The following NPTN variants were observed in gnomAD, a reference collection of about 807,000 sequenced individuals.
The protein encoded by NPTN is neuroplastin.
Under a neutral mutation model 42.7 loss-of-function variants are expected in NPTN, and 5 were observed. The ratio of observed to expected loss-of-function variants is 0.12; its 90% CI spans 0.06 to 0.25. NPTN has a LOEUF of 0.25. NPTN is among the 10% of genes least tolerant of loss of function. NPTN has a pLI of 1.00. For synonymous variants in NPTN, 180 were observed against 201.9 expected (o/e 0.89, Z 0.92); for missense variants, 307 against 525.4 (o/e 0.58, Z 4.06).
intron 1 of NPTN, among the ~76,000 whole-genome samples, chr15:73,599,839 A>G (rs757925780): frequency 4.6e-5 from 7 of 152,146 alleles, no homozygotes; most frequent in Non-Finnish European, 7.4e-5. Flanking sequence ...TTGGGGAGTT[A>G]CAGCCTCTCA....
intron 6 of NPTN, chr15:73,567,313 C>A: frequency 1.0e-6 from 1 of 985,226 alleles, no homozygotes; most frequent in South Asian, 4.7e-5. Flanking sequence ...AGAAGTATGG[C>A]AGGCCTATAA....
At chr15:73,608,494 G>A (rs1051557220) in intron 1 of NPTN, among the ~76,000 whole-genome samples, 12 of 152,140 alleles carry the variant, frequency 7.9e-5, no homozygotes, top group African/African-American at 2.2e-4. Flanking sequence ...CTAGATAAAG[G>A]TGAAAAAATT....
chr15:73,614,148 C>CA (rs1270827456), intron 1 of NPTN, among the ~76,000 whole-genome samples: 5 of 120,436 alleles, frequency 4.2e-5, no homozygotes, highest in Non-Finnish European at 7.0e-5. Flanking sequence ...CTCATCTCTA[C>CA]AAAAAATACA....
intron 1 of NPTN, among the ~76,000 whole-genome samples, chr15:73,606,926 C>A (rs575088292): frequency 6.7e-4 from 102 of 152,260 alleles, no homozygotes; most frequent in Non-Finnish European, 9.7e-4. Context: ...GAACCCCCAT[C>A]TTTGATCATC....
chr15:73,602,734 T>C (rs1204983514), intron 1 of NPTN, among the ~76,000 whole-genome samples: 1 of 152,216 alleles, frequency 6.6e-6, no homozygotes, highest in Non-Finnish European at 1.5e-5. Context: ...GGTAACCTCA[T>C]TCTCTGCAGC....
intron 1 of NPTN, among the ~76,000 whole-genome samples, chr15:73,609,897 C>T (rs1897487457): frequency 6.6e-6 from 1 of 152,028 alleles, no homozygotes; most frequent in African/African-American, 2.4e-5. Flanking sequence ...TCATCTGTGT[C>T]GTGAACACTC....
chr15:73,607,048 C>T (rs1897323957), intron 1 of NPTN, among the ~76,000 whole-genome samples: 1 of 152,088 alleles, frequency 6.6e-6, no homozygotes, highest in South Asian at 2.1e-4. Context: ...TCCTCCTTAC[C>T]CCTAATGTTT....
At chr15:73,604,713 C>T (rs1288509271) in intron 1 of NPTN, among the ~76,000 whole-genome samples, 1 of 152,184 alleles carries the variant, frequency 6.6e-6, no homozygotes, top group African/African-American at 2.4e-5. Flanking sequence ...TTCCTATCTT[C>T]TTCATAAGGT....
chr15:73,616,298 C>T (rs773215379), intron 1 of NPTN, among the ~76,000 whole-genome samples: 2 of 152,008 alleles, frequency 1.3e-5, no homozygotes, highest in African/African-American at 2.4e-5. Flanking sequence ...TTTAAAAACC[C>T]GGCTCCACAG....
intron 1 of NPTN, among the ~76,000 whole-genome samples, chr15:73,608,049 A>G (rs544709707): frequency 6.6e-6 from 1 of 152,346 alleles, no homozygotes; most frequent in African/African-American, 2.4e-5. Flanking sequence ...TCTGTGATCC[A>G]TGGCCAAAAG....
chr15:73,575,923 A>G (rs993668554), intron 4 of NPTN, among the ~76,000 whole-genome samples: 9 of 152,220 alleles, frequency 5.9e-5, no homozygotes, highest in African/African-American at 2.2e-4. Flanking sequence ...TTCAAAGGAA[A>G]TATCTTTTTT....
At position 73,622,886 on chromosome 15, in the gene NPTN, G is replaced by A. The variant is rs77040894; in HGVS notation, c.91+10239C>T. 5.6e-3 allele frequency among the ~76,000 whole-genome samples: 855 copies of A among 152,162 alleles called. 6 individuals carry two copies. Among genetic ancestry groups the A allele is most frequent in the African/African-American group, 0.02 (815 of 41,494 alleles). ...TTTGATCTGAAATTCAAATATAACT[G>A]GGCATCCTATATTTTATCTGACAAC... is the stretch of plus-strand genomic sequence containing the variant. On this transcript the variant is annotated intron_variant, in intron 1 of 8. Transcript: ENST00000345330.
chr15:73,628,229 A>G lies in NPTN; in HGVS notation c.91+4896T>C, dbSNP rs74319391. Among the ~76,000 whole-genome samples the G allele has an allele frequency of 0.012, 1,845 of 152,254 alleles. 90 individuals are homozygous for G. The East Asian group carries it at 0.12, about 10-fold the overall frequency. On this transcript the variant is annotated intron_variant, in intron 1 of 8. Coordinates refer to ENST00000345330, the MANE Select transcript of NPTN (RefSeq NM_012428.4). ...AATTTACTTTAGAGGTCCCTGGTCT[A>G]TTTACTCTTTCTGACAGCTTATATT... is the stretch of plus-strand genomic sequence containing the variant.
chr15:73,587,939 T>C (rs1656916686), intron 3 of NPTN, among the ~76,000 whole-genome samples: 1 of 152,150 alleles, frequency 6.6e-6, no homozygotes, highest in South Asian at 2.1e-4. Context: ...TATATTCAGA[T>C]ATACAATATA....
rs932455530 is a variant in NPTN, at chr15:73,597,630, A to G, written c.92-261T>C. On this transcript the variant is annotated intron_variant, in intron 1 of 8. Coordinates refer to ENST00000345330, the MANE Select transcript of NPTN (RefSeq NM_012428.4). The surrounding 1 kb of genome is among the most constrained non-coding windows in gnomAD (Gnocchi z 6.3). ...GGGGCAGCCCAGGTGCTGGCCAGGC[A>G]GAAGCAAGCCCACTGGAAAGCATTT... Among the ~76,000 whole-genome samples, 1 of 152,244 alleles carries G rather than the reference A, an allele frequency of 6.6e-6. No homozygotes were observed. The highest frequency in any genetic ancestry group is 1.5e-5 in the Non-Finnish European group (1 of 68,044).
intron 5 of NPTN, 22 bp downstream of exon 5, chr15:73,573,639 AC>A: frequency 6.5e-7 from 1 of 1,542,652 alleles, no homozygotes. Context: ...GCAACCAGAG[AC>A]CCGGGCCTGC....
chr15:73,626,771 A>G (rs955199659), intron 1 of NPTN, among the ~76,000 whole-genome samples: 1 of 152,214 alleles, frequency 6.6e-6, no homozygotes, highest in Non-Finnish European at 1.5e-5. Context: ...AACTATTGGT[A>G]CGATTTGGGA....
intron 2 of NPTN, among the ~76,000 whole-genome samples, chr15:73,594,779 T>G (rs1896755789): frequency 6.6e-6 from 1 of 152,080 alleles, no homozygotes; most frequent in Admixed American, 6.5e-5. Flanking sequence ...GCCAGAGAGA[T>G]ACCTAAAAAC....
chr15:73,584,449 G>A (rs998016456), intron 4 of NPTN, among the ~76,000 whole-genome samples: 13 of 152,136 alleles, frequency 8.5e-5, no homozygotes, highest in African/African-American at 3.1e-4. Flanking sequence ...AGGGGCAAAA[G>A]GTTGAAAAAT....
Sources: allele counts gnomAD v4.1 joint callset (sites outside exome capture counted in the v4.1 genomes callset), GRCh38; gene constraint gnomAD v4.1.1; non-coding constraint Gnocchi (gnomAD v3.1); transcripts MANE v1.5; gene names NCBI Gene and HGNC (gene_info 2026-07-23, HGNC 2026-07-21).